The following ABCC9 variants were observed in gnomAD, a reference collection of about 807,000 sequenced individuals.
ABCC9 encodes the protein ATP binding cassette subfamily C member 9.
A neutral mutation model predicts 188.3 loss-of-function variants in ABCC9; 95 were observed. The ratio of observed to expected loss-of-function variants is 0.50; its 90% CI spans 0.43 to 0.60. The LOEUF (loss-of-function observed/expected upper bound fraction) is 0.60, where lower values mean the gene tolerates loss of function less well. Ranked by LOEUF, ABCC9 falls within the 20% of genes least tolerant of loss-of-function variation. The probability of loss-of-function intolerance (pLI) is 0.00; values close to 1 mark genes in which losing one functional copy is unlikely to be tolerated. For synonymous variants in ABCC9, 659 were observed against 652.7 expected, an observed-to-expected ratio of 1.01 and a Z score of -0.15; for missense variants, 1,102 against 1,876.3, an observed-to-expected ratio of 0.59 and a Z score of 7.62.
At chr12:21,856,140 T>C (rs1336847264) in intron 22 of ABCC9, among the ~76,000 whole-genome samples, 1 of 152,188 alleles carries the variant, frequency 6.6e-6, no homozygotes, top group East Asian at 1.9e-4. Context: ...ATGCCATAGC[T>C]TCATGGTGGG....
chr12:21,853,588 A>C (rs1247989518), intron 22 of ABCC9, among the ~76,000 whole-genome samples: 1 of 152,084 alleles, frequency 6.6e-6, no homozygotes, highest in African/African-American at 2.4e-5. Flanking sequence ...ACTCACATTA[A>C]TTGTCTTTTT....
intron 24 of ABCC9, among the ~76,000 whole-genome samples, chr12:21,850,001 T>G (rs1227979289): frequency 6.6e-6 from 1 of 152,122 alleles, no homozygotes; most frequent in Middle Eastern, 3.4e-3. Context: ...ATTAGGAAAT[T>G]TTGTGCATCC....
intron 31 of ABCC9, among the ~76,000 whole-genome samples, chr12:21,825,765 G>T (rs370316265): frequency 6.6e-6 from 1 of 152,072 alleles, no homozygotes; most frequent in East Asian, 1.9e-4. Flanking sequence ...CATGTTCTGC[G>T]TATGTATCCC....
At chr12:21,910,420 G>A (rs1043991093) in intron 9 of ABCC9, 108 bp from the exon 10 acceptor site, 16 of 1,122,474 alleles carry the variant, frequency 1.4e-5, no homozygotes, top group African/African-American at 3.2e-5. Context: ...TGAGAAAAAA[G>A]AAAAGAAAAA....
chr12:21,860,247 G>T (rs572554527), intron 21 of ABCC9, among the ~76,000 whole-genome samples: 14 of 152,242 alleles, frequency 9.2e-5, no homozygotes, highest in Admixed American at 4.6e-4. Context: ...CAGAACTTAA[G>T]TCCATTCTCA....
At chr12:21,815,709 A>G in intron 34 of ABCC9, 54 bp downstream of exon 34, 6 of 1,602,384 alleles carry the variant, frequency 3.7e-6, no homozygotes, top group Non-Finnish European at 5.1e-6. Context: ...GTAAAAAAGC[A>G]GACTCCCTCA....
At chr12:21,848,357 C>T (rs1461165335) in intron 24 of ABCC9, 111 bp from the exon 25 acceptor site, 1 of 920,930 alleles carries the variant, frequency 1.1e-6, no homozygotes, top group Non-Finnish European at 1.7e-6. Context: ...ATCTCAAGCG[C>T]TCTGTGCTCA....
intron 15 of ABCC9, among the ~76,000 whole-genome samples, chr12:21,886,758 C>T (rs2137683031): frequency 6.6e-6 from 1 of 152,264 alleles, no homozygotes; most frequent in Admixed American, 6.5e-5. Context: ...CTTCACCAGG[C>T]TCCAGCCACA....
At chr12:21,909,128 A>C (rs1333332357) in intron 10 of ABCC9, among the ~76,000 whole-genome samples, 1 of 151,974 alleles carries the variant, frequency 6.6e-6, no homozygotes, top group Non-Finnish European at 1.5e-5. Flanking sequence ...CCCATGATGC[A>C]GTCATTCAGA....
intron 7 of ABCC9, among the ~76,000 whole-genome samples, chr12:21,914,653 G>T (rs1195375214): frequency 6.6e-6 from 1 of 152,028 alleles, no homozygotes; most frequent in Non-Finnish European, 1.5e-5. Context: ...TTAATATTAC[G>T]TGGTAATGGA....
chr12:21,925,844 C>T, intron 5 of ABCC9, 98 bp downstream of exon 5: 1 of 1,326,764 alleles, frequency 7.5e-7, no homozygotes, highest in South Asian at 1.2e-5. Flanking sequence ...TCCCCACACA[C>T]TCTGATACTA....
At chr12:21,807,579 A>G (rs753191084) in intron 37 of ABCC9, 100 bp from the exon 38 acceptor site, 6 of 1,519,866 alleles carry the variant, frequency 3.9e-6, no homozygotes, top group South Asian at 2.3e-5. Flanking sequence ...TGACAGCATG[A>G]TGGATATCAC....
At chr12:21,899,105 A>G (rs1048817175) in intron 12 of ABCC9, among the ~76,000 whole-genome samples, 2 of 152,220 alleles carry the variant, frequency 1.3e-5, no homozygotes, top group African/African-American at 4.8e-5. Flanking sequence ...TTAGTTTTAC[A>G]TAAACACACT....
intron 14 of ABCC9, among the ~76,000 whole-genome samples, chr12:21,890,125 G>A (rs1343561538): frequency 6.6e-6 from 1 of 152,058 alleles, no homozygotes; most frequent in Non-Finnish European, 1.5e-5. Flanking sequence ...CTATTCATAC[G>A]AGGTCCTTTC....
At chr12:21,898,724 C>A (rs1004744539) in intron 12 of ABCC9, among the ~76,000 whole-genome samples, 17 of 152,070 alleles carry the variant, frequency 1.1e-4, no homozygotes, top group African/African-American at 3.9e-4. Flanking sequence ...AGTAGTTTTG[C>A]TAAGTTTGTG....
intron 26 of ABCC9, 122 bp from the exon 27 acceptor site, chr12:21,845,037 G>T: frequency 3.1e-6 from 4 of 1,286,608 alleles, no homozygotes; most frequent in Non-Finnish European, 4.4e-6. Context: ...GCATTTAGAC[G>T]GTTGAAGGAA....
At chr12:21,909,943 T>G (rs1433800462) in intron 10 of ABCC9, among the ~76,000 whole-genome samples, 5 of 151,816 alleles carry the variant, frequency 3.3e-5, no homozygotes, top group African/African-American at 1.2e-4. Flanking sequence ...AATGACGGGG[T>G]AGGGCAGATA....
At chr12:21,909,255 C>G (rs1948201339) in intron 10 of ABCC9, among the ~76,000 whole-genome samples, 1 of 151,912 alleles carries the variant, frequency 6.6e-6, no homozygotes, top group Non-Finnish European at 1.5e-5. Flanking sequence ...GTGCCAAGCA[C>G]TGTGCATAAT....
chr12:21,858,632 C>G (rs1043820450), intron 22 of ABCC9, among the ~76,000 whole-genome samples: 1 of 151,664 alleles, frequency 6.6e-6, no homozygotes, highest in Non-Finnish European at 1.5e-5. Context: ...CCTGCAATGG[C>G]TTTCATGGTG....
Sources: gnomAD v4.1 joint callset for allele counts (sites outside exome capture counted in the v4.1 genomes callset) on GRCh38, gnomAD v4.1.1 for gene constraint, MANE v1.5 for transcripts, NCBI Gene and HGNC (gene_info 2026-07-23, HGNC 2026-07-21) for gene names.